Variants in MGMT observed in about 807,000 individuals in gnomAD.
The protein encoded by MGMT is O-6-methylguanine-DNA methyltransferase.
In MGMT, 14 loss-of-function variants were observed where a neutral mutation model predicts 15.9. That is an observed-to-expected ratio of 0.88 (90% confidence interval 0.58 to 1.37). The LOEUF (loss-of-function observed/expected upper bound fraction) is 1.37. MGMT is among the 40% of genes most tolerant of loss of function. The pLI is 0.00. For missense variants in MGMT, 282 were observed against 268.1 expected (o/e 1.05, Z -0.36); for synonymous variants, 130 against 118.2 (o/e 1.10, Z -0.65).
At chr10:129,613,464 G>T (rs1180213402) in intron 2 of MGMT, among the ~76,000 whole-genome samples, 2 of 152,168 alleles carry the variant, frequency 1.3e-5, no homozygotes, top group African/African-American at 4.8e-5. Flanking sequence ...TCACAGACAG[G>T]GGAAGCCCTC....
At chr10:129,764,306 G>A (rs1848908444) in intron 4 of MGMT, among the ~76,000 whole-genome samples, 1 of 152,196 alleles carries the variant, frequency 6.6e-6, no homozygotes, top group South Asian at 2.1e-4. Flanking sequence ...CCGCTCCCAG[G>A]GGCTTTAAGC....
intron 2 of MGMT, among the ~76,000 whole-genome samples, chr10:129,581,797 C>T (rs1286677990): frequency 3.3e-5 from 5 of 152,216 alleles, no homozygotes; most frequent in Non-Finnish European, 2.9e-5. Context: ...TGCCCAGTGG[C>T]CGTCCCGTCC....
intron 2 of MGMT, among the ~76,000 whole-genome samples, chr10:129,640,620 A>G (rs1351461247): frequency 2.6e-5 from 4 of 152,292 alleles, no homozygotes; most frequent in Middle Eastern, 3.4e-3. Flanking sequence ...AACTCTTTTT[A>G]TGATGGCAGC....
chr10:129,749,137 G>A (rs911839400), intron 3 of MGMT, among the ~76,000 whole-genome samples: 3 of 152,116 alleles, frequency 2.0e-5, no homozygotes, highest in Non-Finnish European at 4.4e-5. Flanking sequence ...ATATTTTGTT[G>A]TTGTTAATTT....
chr10:129,623,464 TC>T (rs904803285), intron 2 of MGMT, among the ~76,000 whole-genome samples: 1 of 152,122 alleles, frequency 6.6e-6, no homozygotes, highest in Non-Finnish European at 1.5e-5. Flanking sequence ...AGGAAGTAGA[TC>T]AGCCCGTGCC....
At chr10:129,705,702 C>T (rs1257031117) in intron 2 of MGMT, among the ~76,000 whole-genome samples, 1 of 152,208 alleles carries the variant, frequency 6.6e-6, no homozygotes, top group East Asian at 1.9e-4. Flanking sequence ...AAAACAGCCT[C>T]CAATTCTGTG....
intron 2 of MGMT, among the ~76,000 whole-genome samples, chr10:129,683,906 A>G (rs887905560): frequency 6.6e-6 from 1 of 152,198 alleles, no homozygotes; most frequent in African/African-American, 2.4e-5. Flanking sequence ...CAGTTGCCTG[A>G]TGTTTACATT....
chr10:129,599,077 G>A (rs561808607), intron 2 of MGMT, among the ~76,000 whole-genome samples: 1 of 152,168 alleles, frequency 6.6e-6, no homozygotes, highest in Admixed American at 6.5e-5. Context: ...CGAACAATTC[G>A]CAAATCGAGC....
intron 2 of MGMT, among the ~76,000 whole-genome samples, chr10:129,674,297 T>C (rs1272160010): frequency 6.6e-6 from 1 of 152,096 alleles, no homozygotes; most frequent in Non-Finnish European, 1.5e-5. Flanking sequence ...TAGTATAAAC[T>C]CCTCACTGAC....
At chr10:129,535,671 G>A (rs1049870125) in intron 1 of MGMT, among the ~76,000 whole-genome samples, 8 of 152,306 alleles carry the variant, frequency 5.3e-5, no homozygotes, top group African/African-American at 1.2e-4. Flanking sequence ...CTCTTTAAAT[G>A]TAAATTAAAT....
chr10:129,537,919 G>T (rs1167755531), intron 2 of MGMT, among the ~76,000 whole-genome samples: 2 of 152,128 alleles, frequency 1.3e-5, no homozygotes, highest in South Asian at 4.1e-4. Context: ...TCCCTGCCCT[G>T]GTGCTTCAAG....
chr10:129,544,757 A>G (rs960608441), intron 2 of MGMT, among the ~76,000 whole-genome samples: 2 of 152,114 alleles, frequency 1.3e-5, no homozygotes, highest in African/African-American at 4.8e-5. Flanking sequence ...TGGTGCTTCT[A>G]ATTAGTTGTG....
intron 3 of MGMT, among the ~76,000 whole-genome samples, chr10:129,712,818 C>T (rs375434384): frequency 2.0e-5 from 3 of 152,294 alleles, no homozygotes; most frequent in South Asian, 4.1e-4. Context: ...CATCCAGCCC[C>T]CTACAACCCC....
At chr10:129,482,304 CT>C (rs1845366944) in intron 1 of MGMT, among the ~76,000 whole-genome samples, 1 of 152,046 alleles carries the variant, frequency 6.6e-6, no homozygotes, top group Admixed American at 6.6e-5. Context: ...GATTTTAATC[CT>C]CCTAGATTTG....
intron 2 of MGMT, among the ~76,000 whole-genome samples, chr10:129,603,954 G>A (rs895283472): frequency 2.0e-5 from 3 of 152,198 alleles, no homozygotes; most frequent in Non-Finnish European, 4.4e-5. Flanking sequence ...GCAGTGGAGG[G>A]CTGGAGGCCT....
At chr10:129,540,714 C>T (rs953914662) in intron 2 of MGMT, among the ~76,000 whole-genome samples, 1 of 152,238 alleles carries the variant, frequency 6.6e-6, no homozygotes, top group Non-Finnish European at 1.5e-5. Flanking sequence ...AATTTGGAAG[C>T]ATTCCCTCTT....
At chr10:129,735,371 A>G (rs917645002) in intron 3 of MGMT, among the ~76,000 whole-genome samples, 4 of 152,044 alleles carry the variant, frequency 2.6e-5, no homozygotes, top group African/African-American at 9.7e-5. Flanking sequence ...GTATTCTCTG[A>G]TGGTAGTTTG....
At chr10:129,732,023 C>G (rs980074170) in intron 3 of MGMT, among the ~76,000 whole-genome samples, 1 of 152,164 alleles carries the variant, frequency 6.6e-6, no homozygotes, top group Non-Finnish European at 1.5e-5. Context: ...ACCTCACAAA[C>G]CCCCTAAAGG....
At chr10:129,625,939 T>G (rs946691512) in intron 2 of MGMT, among the ~76,000 whole-genome samples, 1 of 152,224 alleles carries the variant, frequency 6.6e-6, no homozygotes, top group Admixed American at 6.5e-5. Flanking sequence ...ACCACCAATA[T>G]TTTAGTCTTG....
Sources: gnomAD v4.1 joint callset for allele counts (sites outside exome capture counted in the v4.1 genomes callset) on GRCh38, gnomAD v4.1.1 for gene constraint, MANE v1.5 for transcripts, NCBI Gene and HGNC (gene_info 2026-07-23, HGNC 2026-07-21) for gene names.